DPP10: variants seen among roughly 807,000 people sequenced by gnomAD.
The protein encoded by DPP10 is inactive dipeptidyl peptidase 10.
In DPP10, 33 loss-of-function variants were observed where a neutral mutation model predicts 120.9. The ratio of observed to expected loss-of-function variants is 0.27; its 90% CI spans 0.21 to 0.37. The LOEUF is 0.37. Ranked by LOEUF, DPP10 falls within the 10% of genes least tolerant of loss-of-function variation. The pLI is 1.00. For synonymous variants in DPP10, 337 were observed against 326.1 expected, an observed-to-expected ratio of 1.03 and a Z score of -0.36; for missense variants, 816 against 942.8, an observed-to-expected ratio of 0.87 and a Z score of 1.76.
chr2:114,477,750 T>C (rs1680554635), intron 1 of DPP10, among the ~76,000 whole-genome samples: 1 of 151,132 alleles, frequency 6.6e-6, no homozygotes, highest in East Asian at 1.9e-4. Context: ...TATATGTACA[T>C]AAACATGTAT....
intron 1 of DPP10, among the ~76,000 whole-genome samples, chr2:114,735,442 T>C (rs977828884): frequency 3.3e-5 from 5 of 152,166 alleles, no homozygotes; most frequent in African/African-American, 1.2e-4. Context: ...CTCTAGAAAA[T>C]GTAAAAATCT....
chr2:114,906,847 G>T (rs1244743783), intron 1 of DPP10, among the ~76,000 whole-genome samples: 1 of 152,012 alleles, frequency 6.6e-6, no homozygotes, highest in Non-Finnish European at 1.5e-5. Flanking sequence ...TGGTGTCAAG[G>T]CCTCATAGAA....
chr2:114,926,418 T>C (rs1695623596), intron 1 of DPP10, among the ~76,000 whole-genome samples: 1 of 152,210 alleles, frequency 6.6e-6, no homozygotes. Flanking sequence ...GTTCCAGTCC[T>C]TAAAAGTCAC....
In DPP10 at chr2:115,395,102, G is replaced by C. The variant is rs1340569840; in HGVS notation, c.271+51190G>C. The stretch of plus-strand genomic sequence containing the variant: ...GCTGTAAGAAAATTCCAGAGACTGG[G>C]TGGCTTAAATGAATGAAATGTATTT... On this transcript the variant is annotated intron_variant, in intron 3 of 25. Transcript: ENST00000410059. 6.3e-4 allele frequency among the ~76,000 whole-genome samples: 96 copies of C among 152,268 alleles called. 1 individual carries two copies. The highest frequency in any genetic ancestry group is 1.0e-4 in the Non-Finnish European group (7 of 68,022).
chr2:114,659,185 G>T (rs1445217816), intron 1 of DPP10, among the ~76,000 whole-genome samples: 1 of 152,122 alleles, frequency 6.6e-6, no homozygotes, highest in Non-Finnish European at 1.5e-5. Flanking sequence ...CCAGTCTCAG[G>T]TATTTCCCTA....
intron 10 of DPP10, among the ~76,000 whole-genome samples, chr2:115,748,747 C>T (rs759681128): frequency 3.9e-5 from 6 of 151,932 alleles, no homozygotes; most frequent in Non-Finnish European, 7.4e-5. Flanking sequence ...CTTATACTCA[C>T]CAAAGACTGT....
chr2:115,534,381 A>G (rs1432764945), intron 5 of DPP10, among the ~76,000 whole-genome samples: 3 of 151,158 alleles, frequency 2.0e-5, no homozygotes, highest in Non-Finnish European at 4.4e-5. Context: ...TGTTCTTGCG[A>G]TAGTTTACTG....
At chr2:114,793,433 T>C (rs909610418) in intron 1 of DPP10, among the ~76,000 whole-genome samples, 1 of 152,164 alleles carries the variant, frequency 6.6e-6, no homozygotes, top group African/African-American at 2.4e-5. Context: ...TTGCTGAGAA[T>C]GATGGTTTCC....
At chr2:114,606,107 G>A (rs181909077) in intron 1 of DPP10, among the ~76,000 whole-genome samples, 1 of 152,090 alleles carries the variant, frequency 6.6e-6, no homozygotes, top group African/African-American at 2.4e-5. Context: ...ATTCAATAAA[G>A]CTTGCAGTTC....
chr2:115,402,583 AAC>A (rs971445850), intron 3 of DPP10, among the ~76,000 whole-genome samples: 1 of 151,544 alleles, frequency 6.6e-6, no homozygotes. Flanking sequence ...TTTGAAAACA[AAC>A]ACAAAGAAAT....
At chr2:115,535,859 T>C (rs2148939912) in intron 5 of DPP10, among the ~76,000 whole-genome samples, 1 of 152,188 alleles carries the variant, frequency 6.6e-6, no homozygotes, top group African/African-American at 2.4e-5. Context: ...CTAGGTATTT[T>C]ATTCTCTTTG....
rs182798110 is a variant in DPP10, at chr2:115,381,172, C to T, written c.271+37260C>T. On this transcript the variant is annotated intron_variant, in intron 3 of 25. Transcript: ENST00000410059. ...TTTTCCAACTTGGTTCCATTCTCCC[C>T]GTCACTTTCACGTACACCAATCAGT... Among the ~76,000 whole-genome samples, 807 of 152,270 alleles carry T rather than the reference C, an allele frequency of 5.3e-3. 5 individuals carry two copies. Among genetic ancestry groups the T allele is most frequent in the African/African-American group, 0.018 (728 of 41,554 alleles).
chr2:115,633,485 A>T (rs1476594144), intron 5 of DPP10, among the ~76,000 whole-genome samples: 4 of 152,156 alleles, frequency 2.6e-5, no homozygotes, highest in Non-Finnish European at 4.4e-5. Context: ...AATGTAAATG[A>T]CGAGTTAATG....
intron 1 of DPP10, among the ~76,000 whole-genome samples, chr2:115,087,231 C>T (rs1182131662): frequency 2.0e-5 from 3 of 152,154 alleles, no homozygotes; most frequent in African/African-American, 7.2e-5. Context: ...CTGAGTAGGC[C>T]GCGAGTTAAA....
At chr2:115,506,643 G>T (rs956192188) in intron 4 of DPP10, among the ~76,000 whole-genome samples, 12 of 152,006 alleles carry the variant, frequency 7.9e-5, no homozygotes, top group Admixed American at 7.9e-4. Context: ...AAAGATGCTT[G>T]AATTAAATAT....
chr2:114,671,358 T>C (rs1006514813), intron 1 of DPP10, among the ~76,000 whole-genome samples: 1 of 152,138 alleles, frequency 6.6e-6, no homozygotes, highest in Non-Finnish European at 1.5e-5. Context: ...AGATATAGTT[T>C]GGATATTCGT....
At chr2:115,296,676 A>T (rs778620415) in intron 1 of DPP10, among the ~76,000 whole-genome samples, 5 of 152,074 alleles carry the variant, frequency 3.3e-5, no homozygotes, top group Non-Finnish European at 5.9e-5. Context: ...AGCATCTTGC[A>T]CCACAGTGCT....
intron 1 of DPP10, among the ~76,000 whole-genome samples, chr2:115,275,459 G>A (rs916612087): frequency 2.6e-5 from 4 of 152,008 alleles, no homozygotes; most frequent in Admixed American, 6.6e-5. Context: ...ATCTTTGAGG[G>A]GTAGTATCAT....
At chr2:115,045,273 G>A (rs903666438) in intron 1 of DPP10, among the ~76,000 whole-genome samples, 10 of 152,008 alleles carry the variant, frequency 6.6e-5, no homozygotes, top group Admixed American at 2.0e-4. Flanking sequence ...TTGATATATT[G>A]TATATAGTCT....
Sources: allele counts gnomAD v4.1 joint callset (sites outside exome capture counted in the v4.1 genomes callset), GRCh38; gene constraint gnomAD v4.1.1; transcripts MANE v1.5; gene names NCBI Gene and HGNC (gene_info 2026-07-23, HGNC 2026-07-21).